HDAC6: variants seen among roughly 807,000 people sequenced by gnomAD.
HDAC6 encodes protein deacetylase HDAC6.
A neutral mutation model predicts 88.9 loss-of-function variants in HDAC6; 5 were observed. The ratio of observed to expected loss-of-function variants is 0.06; its 90% CI spans 0.03 to 0.12. The LOEUF is 0.12. Among genes scored for constraint, HDAC6 ranks in the 10% least tolerant of loss-of-function variants. The pLI, the probability that HDAC6 is intolerant of heterozygous loss-of-function variation, is 1.00. For synonymous variants in HDAC6, 378 were observed against 398.0 expected, an observed-to-expected ratio of 0.95 and a Z score of 0.60; for missense variants, 706 against 1,014.4, an observed-to-expected ratio of 0.70 and a Z score of 4.13.
intron 23 of HDAC6, 59 bp downstream of exon 23, chrX:48,820,314 C>T: frequency 9.8e-7 from 1 of 1,018,336 alleles, no homozygotes; most frequent in Non-Finnish European, 1.3e-6. Context: ...ATGTTGGCAC[C>T]ATCACTCAGG....
At chrX:48,804,170 A>G (rs974961884) in intron 4 of HDAC6, among the ~76,000 whole-genome samples, 7 of 111,094 alleles carry the variant, frequency 6.3e-5, no homozygotes, top group African/African-American at 2.3e-4. Flanking sequence ...CTCAAAAAGT[A>G]AAAATAAAAA....
At chrX:48,804,900 A>G (rs2062788071) in intron 4 of HDAC6, among the ~76,000 whole-genome samples, 1 of 85,762 alleles carries the variant, frequency 1.2e-5, no homozygotes, top group Non-Finnish European at 2.2e-5. Flanking sequence ...AGTTGGAGGA[A>G]GAGTATTCTA....
intron 15 of HDAC6, 41 bp from the exon 16 acceptor site, chrX:48,815,534 G>A (rs1012216700): frequency 5.0e-6 from 6 of 1,200,820 alleles, no homozygotes; most frequent in East Asian, 3.0e-5. Context: ...CTCACTGCCC[G>A]CCCACATTCC....
At position 48,823,266 on chromosome X, in the gene HDAC6, C is replaced by A. The variant is rs1557030850; in HGVS notation, c.2867C>A (p.Thr956Asn). 4.2e-6 allele frequency: 5 copies of A among 1,199,803 alleles called. No individual in the cohort carries two copies. Among genetic ancestry groups the A allele is most frequent in the South Asian group, 3.6e-5 (2 of 55,104 alleles). ...ATPDQTTSEE[T>N]VGGAILDQTT... ...CCGGACCAGACCACCTCAGAGGAGA[C>A]TGTGGGAGGAGCCATTCTGGACCAG... The change falls in exon 25 of 29, where the codon ACT becomes AAT. Residue 956 changes from threonine to asparagine, a missense_variant. Coordinates refer to ENST00000334136, the MANE Select transcript of HDAC6 (RefSeq NM_006044.4).
rs1013845128 is a variant in HDAC6, at chrX:48,805,974, C to A, written c.437+303C>A. 30 of 395,060 alleles carry A rather than the reference C, an allele frequency of 7.6e-5. No homozygotes were observed. In the East Asian group the frequency reaches 1.3e-3, roughly 17 times the overall value. The allele number at this position is 395,060 out of a possible 1,213,427, so 32.6% of individuals were successfully genotyped here. On this transcript the variant is annotated intron_variant, in intron 6 of 28. Coordinates refer to ENST00000334136, the MANE Select transcript of HDAC6 (RefSeq NM_006044.4). ...ATGGTGGATGTGTGGACAGAGTGAT[C>A]GGGGTTCCCCCAGGGGCTTCCAGAT... is the stretch of plus-strand genomic sequence containing the variant.
chrX:48,822,432 A>AAC (rs1875711243), intron 23 of HDAC6, among the ~76,000 whole-genome samples, 188 bp from the exon 24 acceptor site: 1 of 111,827 alleles, frequency 8.9e-6, no homozygotes, highest in South Asian at 3.7e-4. Context: ...TCCCCACAAC[A>AAC]ACCACCTTAC....
At chrX:48,819,453 C>T (rs2063044248) in intron 22 of HDAC6, 1 of 127,728 alleles carries the variant, frequency 7.8e-6, no homozygotes, top group African/African-American at 3.3e-5. Flanking sequence ...ACGTTTGACC[C>T]TGGGGTATGT....
Position 48,820,180 on chromosome X carries a change from G to A in HDAC6, c.2262G>A (p.Val754=). ...ARGDPLGGCQ[V]SPEGYAHLTH... is the part of the protein sequence containing the mutation. ...GGGATCCGCTGGGGGGCTGCCAGGTGTCACCTGAGGGTTATGCCCACCTCA... is the reference window on the plus strand; with the variant it reads ...GGGATCCGCTGGGGGGCTGCCAGGTATCACCTGAGGGTTATGCCCACCTCA... The change falls in exon 23 of 29, where the codon GTG becomes GTA. Residue 754 remains valine (V), a synonymous_variant. Coordinates refer to ENST00000334136, the MANE Select transcript of HDAC6 (RefSeq NM_006044.4). The A allele has an allele frequency of 9.1e-6, 11 of 1,210,570 alleles. No individual in the cohort carries two copies. Among genetic ancestry groups the A allele is most frequent in the Non-Finnish European group, 1.2e-5 (11 of 894,508 alleles).
intron 1 of HDAC6, chrX:48,802,344 G>A: frequency 1.1e-6 from 1 of 888,826 alleles, no homozygotes; most frequent in Non-Finnish European, 1.4e-6. Flanking sequence ...TAGAAGGGGC[G>A]GTGATTGGTT....
rs782471125 is a variant in HDAC6 at position 48,802,895 on chromosome X, G to A, written c.118G>A (p.Val40Ile). 8.3e-7 allele frequency: 1 copy of A among 1,208,161 alleles called. No individual in the cohort carries two copies. Among genetic ancestry groups the A allele is most frequent in the African/African-American group, 1.7e-5 (1 of 57,729 alleles). Residue 40 changes from valine to isoleucine, a missense_variant, in exon 3 of 29, where the codon GTT becomes ATT. Coordinates refer to ENST00000334136, the MANE Select transcript of HDAC6 (RefSeq NM_006044.4). ...GAAGCGAAATATTAAAAAGGGAGCC[G>A]TTCCCCGCTCTATCCCCAATCTAGC... is the stretch of plus-strand genomic sequence containing the variant. Reference protein sequence around the residue: ...TSKRNIKKGAVPRSIPNLAEV... With the variant: ...TSKRNIKKGAIPRSIPNLAEV...
At chrX:48,805,975 G>A (rs1399076094) in intron 6 of HDAC6, 16 of 396,850 alleles carry the variant, frequency 4.0e-5, no homozygotes, top group Admixed American at 1.4e-4. Flanking sequence ...CAGAGTGATC[G>A]GGGTTCCCCC....
At position 48,824,749 on chromosome X, in the gene HDAC6, G is replaced by C; in HGVS notation, c.*137G>C. 1 of 1,113,239 alleles carries C rather than the reference G, an allele frequency of 9.0e-7. No individual in the cohort carries two copies. The highest frequency in any genetic ancestry group is 1.2e-6 in the Non-Finnish European group (1 of 848,588). The allele number at this position is 1,113,239 out of a possible 1,213,427, so 91.7% of individuals were successfully genotyped here. Reference sequence around the variant, plus strand: ...ATATCCTTTGCAACTCCCCAAGAGTGCTTATTTAAGTGTTAATACTTTTAA... The same window carrying C: ...ATATCCTTTGCAACTCCCCAAGAGTCCTTATTTAAGTGTTAATACTTTTAA... On this transcript the variant is annotated 3_prime_UTR_variant, in exon 29 of 29. Coordinates refer to ENST00000334136, the MANE Select transcript of HDAC6 (RefSeq NM_006044.4).
intron 18 of HDAC6, 65 bp from the exon 19 acceptor site, chrX:48,816,400 G>A (rs1204331366): frequency 3.6e-6 from 4 of 1,125,985 alleles, no homozygotes; most frequent in Admixed American, 5.4e-5. Flanking sequence ...TGTCTTAGGG[G>A]TGGGGACCAG....
Position 48,823,060 on chromosome X carries a change from T to C in HDAC6, c.2661T>C (p.Phe887=), listed in dbSNP as rs1569505566. 8.3e-7 allele frequency: 1 copy of C among 1,210,963 alleles called. No individual in the cohort carries two copies. The highest frequency in any genetic ancestry group is 2.2e-5 in the Admixed American group (1 of 45,964). Residue 887 remains phenylalanine (F), a synonymous_variant, in exon 25 of 29, where the codon TTT becomes TTC. Transcript: ENST00000334136. ...TGGGGAAAGTCACCTCGGCATCATTTGGGGAAGAGTCCACTCCAGGCCAGA... is the reference window on the plus strand; with the variant it reads ...TGGGGAAAGTCACCTCGGCATCATTCGGGGAAGAGTCCACTCCAGGCCAGA... The part of the protein sequence containing the change: ...AGMGKVTSAS[F]GEESTPGQTN...
At chrX:48,815,795 C>A (rs1261631814) in intron 16 of HDAC6, 89 bp from the exon 17 acceptor site, 79 of 1,076,836 alleles carry the variant, frequency 7.3e-5, no homozygotes, top group Non-Finnish European at 9.5e-5. Context: ...AGGCCTCCCA[C>A]CCCTTTTTCT....
At chrX:48,810,502 CTTCT>C (rs1182470621) in intron 10 of HDAC6, 10 of 111,726 alleles carry the variant, frequency 9.0e-5, no homozygotes, top group African/African-American at 2.9e-4. Context: ...TTGATAATTT[CTTCT>C]TTGTTTTCTC....
chrX:48,803,291 C>A (rs2062758890), intron 4 of HDAC6, 75 bp downstream of exon 4: 2 of 790,826 alleles, frequency 2.5e-6, no homozygotes, highest in East Asian at 3.3e-5. Flanking sequence ...AAGAATAAAT[C>A]TTTTCTTACC....
At chrX:48,815,715 C>T (rs782236170) in intron 16 of HDAC6, 73 bp downstream of exon 16, 4 of 1,083,649 alleles carry the variant, frequency 3.7e-6, no homozygotes, top group Non-Finnish European at 5.1e-6. Flanking sequence ...CTTCAGACTT[C>T]CTCTGACTTT....
intron 4 of HDAC6, among the ~76,000 whole-genome samples, chrX:48,804,153 ACT>A (rs1602233647): frequency 9.0e-6 from 1 of 110,604 alleles, no homozygotes; most frequent in African/African-American, 3.3e-5. Context: ...CAAGAGCAAA[ACT>A]CTGTCTCAAA....
Sources: allele counts gnomAD v4.1 joint callset (sites outside exome capture counted in the v4.1 genomes callset), GRCh38; gene constraint gnomAD v4.1.1; transcripts MANE v1.5; gene names NCBI Gene and HGNC (gene_info 2026-07-23, HGNC 2026-07-21).